MTRR: variants seen among roughly 807,000 people sequenced by gnomAD.
The protein encoded by MTRR is 5-methyltetrahydrofolate-homocysteine methyltransferase reductase.
In MTRR, 63 loss-of-function variants were observed where a neutral mutation model predicts 79.2. The ratio of observed to expected loss-of-function variants is 0.80; its 90% CI spans 0.65 to 0.98. MTRR has a LOEUF of 0.98. MTRR is among the 50% of genes least tolerant of loss of function. The pLI is 0.00. For synonymous variants in MTRR, 355 were observed against 313.3 expected, an observed-to-expected ratio of 1.13 and a Z score of -1.41; for missense variants, 895 against 839.6, an observed-to-expected ratio of 1.07 and a Z score of -0.82.
chr5:7,886,461 G>T, intron 7 of MTRR, 154 bp from the exon 8 acceptor site: 8 of 641,892 alleles, frequency 1.2e-5, no homozygotes, highest in African/African-American at 1.8e-5. Flanking sequence ...ATTCATTTTG[G>T]GGAATTTTTT....
At position 7,871,029 on chromosome 5, in the gene MTRR, G is replaced by GT. The variant is rs1354215106; in HGVS notation, c.129+112dup. On this transcript the variant is annotated intron_variant, in intron 2 of 14. Coordinates refer to ENST00000440940, the MANE Select transcript of MTRR (RefSeq NM_002454.3). ...ACACTAATACCACCACATAGTCTTTGTTTTTTAACAGAAATGTGTTTGTTC... is the reference window on the plus strand; with the variant it reads ...ACACTAATACCACCACATAGTCTTTGTTTTTTTAACAGAAATGTGTTTGTTC... The GT allele has an allele frequency of 4.6e-6, 6 of 1,311,090 alleles. No individual in the cohort carries two copies. In the African/African-American group the frequency reaches 5.8e-5, roughly 13 times the overall value. The allele number at this position is 1,311,090 out of a possible 1,614,324, so 81.2% of individuals were successfully genotyped here. A position where few individuals can be genotyped will look rare whatever the true frequency, so the allele number is the denominator to read the frequency against.
At chr5:7,882,676 A>G (rs774062327) in intron 5 of MTRR, among the ~76,000 whole-genome samples, 2 of 152,194 alleles carry the variant, frequency 1.3e-5, no homozygotes, top group Non-Finnish European at 2.9e-5. Context: ...ATTTGTTAAG[A>G]TTAATAATTA....
intron 11 of MTRR, among the ~76,000 whole-genome samples, chr5:7,894,770 T>G (rs1412536574): frequency 6.6e-6 from 1 of 152,236 alleles, no homozygotes; most frequent in Non-Finnish European, 1.5e-5. Flanking sequence ...ATAATGTGTA[T>G]GTTTATTTTC....
At chr5:7,863,828 T>C (rs1746729112) in intron 2 of MTRR, among the ~76,000 whole-genome samples, 1 of 152,098 alleles carries the variant, frequency 6.6e-6, no homozygotes, top group Non-Finnish European at 1.5e-5. Context: ...CTGAGAGTAC[T>C]TTTTTACCTT....
At chr5:7,868,782 C>T (rs983615522), upstream of MTRR, among the ~76,000 whole-genome samples, 2 of 152,198 alleles carry the variant, frequency 1.3e-5, no homozygotes, top group African/African-American at 4.8e-5. Context: ...CACGTGTGTG[C>T]AAGACAGACA....
At chr5:7,885,330 C>T (rs1006084595) in intron 6 of MTRR, 2 of 216,324 alleles carry the variant, frequency 9.2e-6, no homozygotes, top group East Asian at 1.3e-4. Flanking sequence ...TGTATGTTTT[C>T]GTGTGTGTGT....
chr5:7,885,991 T>C lies in MTRR; in HGVS notation c.1057+137T>C, dbSNP rs162037. ...TGGGGCTCAGCTGCGCATCAAGGTC[T>C]GGGAACACAGGCATACGCTGGTATT... is the stretch of plus-strand genomic sequence containing the variant. On this transcript the variant is annotated intron_variant, in intron 7 of 14. Coordinates refer to ENST00000440940, the MANE Select transcript of MTRR (RefSeq NM_002454.3). 920,039 of 1,115,726 alleles carry C rather than the reference T, an allele frequency of 0.82. 380,636 individuals carry two copies. Among genetic ancestry groups the C allele is most frequent in the African/African-American group, 0.89 (57,383 of 64,498 alleles). The allele number at this position is 1,115,726 out of a possible 1,614,324, so 69.1% of individuals were successfully genotyped here.
intron 8 of MTRR, among the ~76,000 whole-genome samples, chr5:7,887,809 T>C (rs371160132): frequency 0.36 from 28,981 of 81,264 alleles, 4,495 homozygotes; most frequent in Non-Finnish European, 0.39. Context: ...TATATATATA[T>C]ATATATATAT....
rs748186027 is a variant in MTRR at position 7,878,131 on chromosome 5, G to C, written c.589G>C (p.Asp197His). 36 of 1,613,904 alleles carry C rather than the reference G, an allele frequency of 2.2e-5. No homozygotes were observed. The Admixed American group carries it at 6.0e-4, about 27-fold the overall frequency. Residue 197 changes from aspartate to histidine, a missense_variant, in exon 5 of 15, where the codon GAT becomes CAT. Transcript: ENST00000440940. ...IESQVELLRF[D>H]DSGRKDSEVL... ...ATCTCAAGTCGAGCTTCTGAGATTC[G>C]ATGATTCAGGAAGAAAGGATTCTGA...
chr5:7,867,207 G>A (rs756135359), upstream of MTRR: 1 of 1,614,126 alleles, frequency 6.2e-7, no homozygotes, highest in East Asian at 2.2e-5. Context: ...ATCAATTTAG[G>A]ACTCAGGTTG....
At chr5:7,877,853 T>C in intron 4 of MTRR, 91 bp from the exon 5 acceptor site, 4 of 1,567,356 alleles carry the variant, frequency 2.6e-6, no homozygotes, top group Non-Finnish European at 3.5e-6. Context: ...GTGCATACTT[T>C]GCCAAATGGA....
At chr5:7,874,915 T>C (rs1318803451) in intron 3 of MTRR, among the ~76,000 whole-genome samples, 1 of 152,176 alleles carries the variant, frequency 6.6e-6, no homozygotes, top group Non-Finnish European at 1.5e-5. Context: ...TCAGAAAAAA[T>C]GTACAGATGA....
chr5:7,886,548 A>G (rs1376404922), intron 7 of MTRR, 67 bp from the exon 8 acceptor site: 6 of 1,163,352 alleles, frequency 5.2e-6, no homozygotes, highest in Non-Finnish European at 7.8e-6. Flanking sequence ...TGTTTTGGGG[A>G]GTGTGTAAAA....
upstream of MTRR, chr5:7,867,678 G>A (rs962848866): frequency 1.9e-6 from 3 of 1,613,932 alleles, no homozygotes; most frequent in Non-Finnish European, 2.5e-6. Flanking sequence ...TCACAAATTC[G>A]TTGTAAAGCT....
chr5:7,891,973 C>T (rs1737678453), intron 10 of MTRR, among the ~76,000 whole-genome samples: 2 of 151,968 alleles, frequency 1.3e-5, no homozygotes, highest in Non-Finnish European at 1.5e-5. Context: ...ACCCGGGAGG[C>T]GGAGCTTGCA....
At position 7,875,278 on chromosome 5, in the gene MTRR, A is replaced by C. The variant is rs762091582; in HGVS notation, c.304A>C (p.Thr102Pro). 10 of 1,613,234 alleles carry C rather than the reference A, an allele frequency of 6.2e-6. No homozygotes were observed. The East Asian group carries it at 2.2e-4, about 36-fold the overall frequency. ...TCTAGGTCTCGGTGATTCAGAATACACCTACTTTTGCAATGGGGGGAAGAT... is the reference window on the plus strand; with the variant it reads ...TCTAGGTCTCGGTGATTCAGAATACCCCTACTTTTGCAATGGGGGGAAGAT... The part of the protein sequence containing the change: ...GLLGLGDSEY[T>P]YFCNGGKIID... Residue 102 changes from threonine to proline, a missense_variant, in exon 4 of 15, where the codon ACC becomes CCC. Physicochemically the swap from Thr to Pro is conservative, Grantham distance 38 (BLOSUM62 -1). Coordinates refer to ENST00000440940, the MANE Select transcript of MTRR (RefSeq NM_002454.3).
intron 6 of MTRR, among the ~76,000 whole-genome samples, 160 bp downstream of exon 6, chr5:7,883,437 TTACA>T (rs1481264975): frequency 3.5e-5 from 5 of 141,508 alleles, no homozygotes; most frequent in Admixed American, 7.5e-5. Context: ...TGGTGCTTGG[TTACA>T]TATGCTGAGT....
intron 12 of MTRR, chr5:7,896,629 C>T (rs922658934): frequency 1.2e-5 from 7 of 577,588 alleles, no homozygotes; most frequent in Non-Finnish European, 2.2e-5. Context: ...GAATTGTCCT[C>T]ATTTTGTGTA....
At chr5:7,874,841 T>C (rs906896787) in intron 3 of MTRR, among the ~76,000 whole-genome samples, 4 of 152,186 alleles carry the variant, frequency 2.6e-5, no homozygotes, top group Admixed American at 6.5e-5. Flanking sequence ...AAACTTTATT[T>C]ACAAAGAAAG....
Sources: gnomAD v4.1 joint callset for allele counts (sites outside exome capture counted in the v4.1 genomes callset) on GRCh38, gnomAD v4.1.1 for gene constraint, MANE v1.5 for transcripts, NCBI Gene and HGNC (gene_info 2026-07-23, HGNC 2026-07-21) for gene names.